MMP11: variants seen among roughly 807,000 people sequenced by gnomAD.
The protein encoded by MMP11 is matrix metallopeptidase 11, also known as stromelysin-3.
In MMP11, 26 loss-of-function variants were observed where a neutral mutation model predicts 49.5. The observed-to-expected ratio is 0.52, with a 90% CI of 0.38 to 0.73. The LOEUF (loss-of-function observed/expected upper bound fraction) is 0.73. Among genes scored for constraint, MMP11 ranks in the 30% least tolerant of loss-of-function variants. The probability of loss-of-function intolerance (pLI) is 0.00; values close to 1 mark genes in which losing one functional copy is unlikely to be tolerated. For missense variants in MMP11, 624 were observed against 671.2 expected, an observed-to-expected ratio of 0.93 and a Z score of 0.78; for synonymous variants, 265 against 282.3, an observed-to-expected ratio of 0.94 and a Z score of 0.62.
chr22:23,781,919 G>A, intron 6 of MMP11: 1 of 665,030 alleles, frequency 1.5e-6, no homozygotes, highest in East Asian at 3.1e-5. Context: ...CAGGGGCCCA[G>A]GGAGTGGTCA....
At chr22:23,776,570 G>A (rs1450846364) in intron 1 of MMP11, among the ~76,000 whole-genome samples, 6 of 152,182 alleles carry the variant, frequency 3.9e-5, no homozygotes, top group Non-Finnish European at 5.9e-5. Context: ...TCAGGGGAAG[G>A]GTAACTCAAC....
At position 23,780,085 on chromosome 22, in the gene MMP11, G is replaced by T; in HGVS notation, c.339-274G>T. ...AACCAAGGTGTCCCCACAGTAAGTG[G>T]CACTGTCAGGTCTAGGATGGGGGTC... On this transcript the variant is annotated intron_variant, in intron 2 of 7. Coordinates refer to ENST00000215743, the MANE Select transcript of MMP11 (RefSeq NM_005940.5). This position sits in a 1 kb window ranked among gnomAD's most constrained non-coding sequence, Gnocchi z 4.6. 1 of 509,420 alleles carries T rather than the reference G, an allele frequency of 2.0e-6. No individual in the cohort carries two copies. The highest frequency in any genetic ancestry group is 2.5e-5 in the South Asian group (1 of 39,244). The allele number at this position is 509,420 out of a possible 1,614,324, so 31.6% of individuals were successfully genotyped here.
At chr22:23,781,161 C>T in intron 5 of MMP11, 32 bp from the exon 6 acceptor site, 2 of 1,609,256 alleles carry the variant, frequency 1.2e-6, no homozygotes, top group South Asian at 2.2e-5. Context: ...GCAGCATATG[C>T]CCTCAGCATG....
At chr22:23,781,485 G>A in intron 6 of MMP11, 76 bp downstream of exon 6, 1 of 1,365,372 alleles carries the variant, frequency 7.3e-7, no homozygotes, top group Non-Finnish European at 1.0e-6. Context: ...GGAACAGACA[G>A]ATGGATCCTT....
intron 7 of MMP11, among the ~76,000 whole-genome samples, chr22:23,783,153 C>T (rs1927704245): frequency 6.6e-6 from 1 of 152,146 alleles, no homozygotes; most frequent in African/African-American, 2.4e-5. Flanking sequence ...AGAGGTGGGA[C>T]TCAGGCCTCT....
In MMP11 at chr22:23,772,962, C is replaced by T. The variant is rs1927285178; in HGVS notation, c.92C>T (p.Ala31Val). Reference sequence around the variant, plus strand: ...CTGCTCCAGCCGCCGCCGCTGCTGGCCCGGGCTCTGCCGCCGGTGAGTGCC... The same window carrying T: ...CTGCTCCAGCCGCCGCCGCTGCTGGTCCGGGCTCTGCCGCCGGTGAGTGCC... ...LLLLQPPPLL[A>V]RALPPDAHHL... The change falls in exon 1 of 8, where the codon GCC becomes GTC. Residue 31 changes from alanine (A) to valine (V), a missense_variant. Transcript: ENST00000215743. The T allele has an allele frequency of 8.3e-7, 1 of 1,211,458 alleles. No homozygotes were observed. The allele number at this position is 1,211,458 out of a possible 1,614,324, so 75.0% of individuals were successfully genotyped here.
Position 23,781,225 on chromosome 22 carries a change from C to T in MMP11, c.891C>T (p.Ser297=). Residue 297 remains serine, a synonymous_variant, in exon 6 of 8, where the codon TCC becomes TCT. Coordinates refer to ENST00000215743, the MANE Select transcript of MMP11 (RefSeq NM_005940.5). Reference sequence around the variant, plus strand: ...CCCCGCCAGATGCCTGTGAGGCCTCCTTTGACGCGGTCTCCACCATCCGAG... The same window carrying T: ...CCCCGCCAGATGCCTGTGAGGCCTCTTTTGACGCGGTCTCCACCATCCGAG... ...PDAPPDACEA[S]FDAVSTIRGE... 2 of 1,611,674 alleles carry T rather than the reference C, an allele frequency of 1.2e-6. No individual in the cohort carries two copies. Among genetic ancestry groups the T allele is most frequent in the Non-Finnish European group, 1.7e-6 (2 of 1,180,024 alleles).
At chr22:23,775,011 G>A (rs1055690606) in intron 1 of MMP11, among the ~76,000 whole-genome samples, 5 of 152,224 alleles carry the variant, frequency 3.3e-5, no homozygotes, top group African/African-American at 1.2e-4. Context: ...AGAAGAGGGT[G>A]GGGCTGAGTG....
intron 7 of MMP11, 26 bp from the exon 8 acceptor site, chr22:23,783,385 C>A: frequency 6.2e-7 from 1 of 1,612,404 alleles, no homozygotes; most frequent in Non-Finnish European, 8.5e-7. Context: ...TCCGCTCGCC[C>A]AGGCTTGACC....
rs1216109826 is a variant in MMP11, at chr22:23,780,564, G to A, written c.483-18G>A. The A allele has an allele frequency of 8.7e-6, 14 of 1,610,452 alleles. No individual in the cohort carries two copies. The highest frequency in any genetic ancestry group is 5.5e-5 in the South Asian group (5 of 90,858). ...TCGCCTGCCAGCAGCCACTGACCCCGCCCCCACCCATCTGTAGGTACTGGC... is the reference window on the plus strand; with the variant it reads ...TCGCCTGCCAGCAGCCACTGACCCCACCCCCACCCATCTGTAGGTACTGGC... On this transcript the variant is annotated intron_variant, in intron 3 of 7. Coordinates refer to ENST00000215743, the MANE Select transcript of MMP11 (RefSeq NM_005940.5). This position sits in a 1 kb window ranked among gnomAD's most constrained non-coding sequence, Gnocchi z 4.6.
chr22:23,783,462 A>T lies in MMP11; in HGVS notation c.1385A>T (p.Lys462Met), dbSNP rs1927719172. The change falls in exon 8 of 8, where the codon AAG becomes ATG. Residue 462 changes from lysine (K) to methionine (M), a missense_variant. Physicochemically the swap from Lys to Met is moderately conservative, Grantham distance 95. Coordinates refer to ENST00000215743, the MANE Select transcript of MMP11 (RefSeq NM_005940.5). ...CTCTACTGGAAGTTTGACCCTGTGAAGGTGAAGGCTCTGGAAGGCTTCCCC... is the reference window on the plus strand; with the variant it reads ...CTCTACTGGAAGTTTGACCCTGTGATGGTGAAGGCTCTGGAAGGCTTCCCC... ...GRLYWKFDPV[K>M]VKALEGFPRL... is the part of the protein sequence containing the mutation. 1 of 1,614,046 alleles carries T rather than the reference A, an allele frequency of 6.2e-7. No individual in the cohort carries two copies. Among genetic ancestry groups the T allele is most frequent in the African/African-American group, 1.3e-5 (1 of 74,916 alleles).
Position 23,772,910 on chromosome 22 carries a change from G to A in MMP11, c.40G>A (p.Ala14Thr). Residue 14 changes from alanine to threonine, a missense_variant, in exon 1 of 8, where the codon GCC (alanine) becomes ACC (threonine). Physicochemically the swap from Ala to Thr is moderately conservative, Grantham distance 58. Coordinates refer to ENST00000215743, the MANE Select transcript of MMP11 (RefSeq NM_005940.5). ...CTGGCTCCGCAGCGCGGCCGCGCGC[G>A]CCCTCCTGCCCCCGATGCTGCTGCT... ...AAWLRSAAAR[A>T]LLPPMLLLLL... The A allele has an allele frequency of 1.7e-6, 2 of 1,177,054 alleles. No individual in the cohort carries two copies. Among genetic ancestry groups the A allele is most frequent in the African/African-American group, 1.6e-5 (1 of 62,068 alleles). 72.9% of individuals were successfully genotyped at this position (1,177,054 alleles called of 1,614,324 possible). A position where few individuals can be genotyped will look rare whatever the true frequency, so the allele number is the denominator to read the frequency against.
At chr22:23,775,008 G>A (rs1386206824) in intron 1 of MMP11, among the ~76,000 whole-genome samples, 2 of 152,220 alleles carry the variant, frequency 1.3e-5, no homozygotes, top group Non-Finnish European at 2.9e-5. Flanking sequence ...GGCAGAAGAG[G>A]GTGGGGCTGA....
chr22:23,783,333 C>T, intron 7 of MMP11, 78 bp from the exon 8 acceptor site: 1 of 1,575,568 alleles, frequency 6.3e-7, no homozygotes. Context: ...CCTTAGTGCC[C>T]ATCCCTGGGC....
chr22:23,781,661 C>T (rs1234087713), intron 6 of MMP11: 3 of 645,946 alleles, frequency 4.6e-6, no homozygotes, highest in Non-Finnish European at 8.6e-6. Context: ...GCGTTCAACC[C>T]TCAGCCACCC....
Position 23,780,777 on chromosome 22 carries a change from G to A in MMP11, c.616+62G>A, listed in dbSNP as rs573801171. 1.0e-4 allele frequency: 160 copies of A among 1,562,314 alleles called. No homozygotes were observed. Among genetic ancestry groups the A allele is most frequent in the Non-Finnish European group, 1.2e-4 (140 of 1,155,180 alleles). ...CGAAGATCATAAAGAATGGGGACTC[G>A]CCAAGGTCACTGAGCTGGGGTCTGG... On this transcript the variant is annotated intron_variant, in intron 4 of 7. Coordinates refer to ENST00000215743, the MANE Select transcript of MMP11 (RefSeq NM_005940.5). This position sits in a 1 kb window ranked among gnomAD's most constrained non-coding sequence, Gnocchi z 4.6.
chr22:23,780,125 C>A lies in MMP11; in HGVS notation c.339-234C>A, dbSNP rs137890660. ...GGATGGGGGTCTCGGGACCCCTGGT[C>A]CTGGTTCTTTCCACTGAATTCAGAC... On this transcript the variant is annotated intron_variant, in intron 2 of 7. Transcript: ENST00000215743. This position sits in a 1 kb window ranked among gnomAD's most constrained non-coding sequence, Gnocchi z 4.6. The A allele has an allele frequency of 1.4e-4, 81 of 587,230 alleles. 2 individuals carry two copies. In the South Asian group the frequency reaches 1.7e-3, roughly 12 times the overall value. 36.4% of individuals were successfully genotyped at this position (587,230 alleles called of 1,614,324 possible). A position where few individuals can be genotyped will look rare whatever the true frequency, so the allele number is the denominator to read the frequency against.
In MMP11 at chr22:23,772,994, T is replaced by G. The variant is rs1927286386; in HGVS notation, c.108+16T>G. 8.5e-7 allele frequency: 1 copy of G among 1,179,420 alleles called. No individual in the cohort carries two copies. Among genetic ancestry groups the G allele is most frequent in the African/African-American group, 1.6e-5 (1 of 61,846 alleles). 73.1% of individuals were successfully genotyped at this position (1,179,420 alleles called of 1,614,324 possible). ...TCTGCCGCCGGTGAGTGCCCGCCAC[T>G]CGCCGGCCGCTCCTCGCTGAGGGGG... is the stretch of plus-strand genomic sequence containing the variant. On this transcript the variant is annotated intron_variant, in intron 1 of 7. Coordinates refer to ENST00000215743, the MANE Select transcript of MMP11 (RefSeq NM_005940.5).
At chr22:23,774,136 C>A (rs1927328973) in intron 1 of MMP11, among the ~76,000 whole-genome samples, 1 of 152,174 alleles carries the variant, frequency 6.6e-6, no homozygotes, top group East Asian at 1.9e-4. Context: ...TGGGTTTGAA[C>A]CATGTGACCC....
Sources: allele counts gnomAD v4.1 joint callset (sites outside exome capture counted in the v4.1 genomes callset), GRCh38; gene constraint gnomAD v4.1.1; non-coding constraint Gnocchi (gnomAD v3.1); transcripts MANE v1.5; gene names NCBI Gene and HGNC (gene_info 2026-07-23, HGNC 2026-07-21).